PDE1C: variants seen among roughly 807,000 people sequenced by gnomAD.
PDE1C encodes dual specificity calcium/calmodulin-dependent 3',5'-cyclic nucleotide phosphodiesterase 1C.
A neutral mutation model predicts 93.1 loss-of-function variants in PDE1C; 62 were observed. The observed-to-expected ratio is 0.67, with a 90% CI of 0.54 to 0.82. The LOEUF (loss-of-function observed/expected upper bound fraction) is 0.82, where lower values mean the gene tolerates loss of function less well. Ranked by LOEUF, PDE1C falls within the 40% of genes least tolerant of loss-of-function variation. The probability of loss-of-function intolerance (pLI) is 0.00; values close to 1 mark genes in which losing one functional copy is unlikely to be tolerated. For missense variants in PDE1C, 742 were observed against 884.6 expected, an observed-to-expected ratio of 0.84 and a Z score of 2.04; for synonymous variants, 325 against 310.1, an observed-to-expected ratio of 1.05 and a Z score of -0.50.
At chr7:32,064,649 G>A (rs531785158) in intron 1 of PDE1C, among the ~76,000 whole-genome samples, 5 of 151,760 alleles carry the variant, frequency 3.3e-5, no homozygotes, top group African/African-American at 1.2e-4. Context: ...TAACTGAAAG[G>A]ATAAAACACA....
the PDE1C span, chr7:31,643,096 A>G: frequency 1.2e-6 from 2 of 1,614,006 alleles, no homozygotes; most frequent in Non-Finnish European, 1.7e-6. Flanking sequence ...CGTCACAGAA[A>G]TGCAGGACAG....
intron 16 of PDE1C, among the ~76,000 whole-genome samples, chr7:31,780,430 T>C (rs1404117133): frequency 6.6e-6 from 1 of 152,228 alleles, no homozygotes; most frequent in African/African-American, 2.4e-5. Context: ...CGTCTGCTTA[T>C]TAACATTTGC....
intron 7 of PDE1C, among the ~76,000 whole-genome samples, chr7:31,852,504 T>A (rs576485536): frequency 1.3e-5 from 2 of 152,156 alleles, no homozygotes; most frequent in East Asian, 3.9e-4. Context: ...AGCCTCCTCA[T>A]CAGCCTCTTC....
the PDE1C span, among the ~76,000 whole-genome samples, chr7:31,671,758 T>G: frequency 6.6e-6 from 1 of 152,128 alleles, no homozygotes; most frequent in Non-Finnish European, 1.5e-5. Context: ...AACCAGTATC[T>G]CATATGGAAA....
intron 7 of PDE1C, among the ~76,000 whole-genome samples, chr7:31,859,664 T>G (rs544531754): frequency 3.9e-5 from 6 of 152,112 alleles, no homozygotes; most frequent in Non-Finnish European, 5.9e-5. Context: ...ATGATCCCAC[T>G]ACTGGGATGA....
At chr7:32,254,930 C>T (rs1585035666) in intron 1 of PDE1C, among the ~76,000 whole-genome samples, 1 of 152,316 alleles carries the variant, frequency 6.6e-6, no homozygotes, top group African/African-American at 2.4e-5. Flanking sequence ...CCAGAAAGTC[C>T]AGTTCATGCC....
chr7:32,152,171 G>A (rs1384044199), intron 3 of PDE1C, among the ~76,000 whole-genome samples: 1 of 152,124 alleles, frequency 6.6e-6, no homozygotes, highest in Non-Finnish European at 1.5e-5. Context: ...CCTGTTTCCA[G>A]GTAGGTCATG....
intron 5 of PDE1C, among the ~76,000 whole-genome samples, chr7:31,876,654 A>T (rs1409167650): frequency 6.6e-6 from 1 of 152,198 alleles, no homozygotes; most frequent in East Asian, 1.9e-4. Flanking sequence ...TTCATAGTGG[A>T]TGTTAAGAAA....
the PDE1C span, among the ~76,000 whole-genome samples, chr7:31,678,089 A>G: frequency 6.6e-6 from 1 of 152,168 alleles, no homozygotes; most frequent in Non-Finnish European, 1.5e-5. Flanking sequence ...CTAACGCTCT[A>G]CGAGTAAGAC....
intron 2 of PDE1C, among the ~76,000 whole-genome samples, chr7:32,191,346 C>CTGAGG (rs200590994): frequency 0.18 from 27,023 of 152,026 alleles, 2,726 homozygotes; most frequent in South Asian, 0.28. Context: ...CACAAAGATC[C>CTGAGG]CTCATGTTAT....
At chr7:31,640,136 C>T in the PDE1C span, among the ~76,000 whole-genome samples, 1 of 152,252 alleles carries the variant, frequency 6.6e-6, no homozygotes, top group South Asian at 2.1e-4. Flanking sequence ...ACCAGAGCAG[C>T]GGTCATTCTA....
At chr7:31,770,079 T>C (rs969841772) in intron 17 of PDE1C, among the ~76,000 whole-genome samples, 1 of 152,216 alleles carries the variant, frequency 6.6e-6, no homozygotes, top group Non-Finnish European at 1.5e-5. Context: ...GTTATTTCAT[T>C]TGTTTTATTA....
chr7:32,416,179 C>T (rs527413736), intron 1 of PDE1C, among the ~76,000 whole-genome samples: 19 of 152,238 alleles, frequency 1.2e-4, no homozygotes, highest in African/African-American at 2.2e-4. Flanking sequence ...GCCTGGGCCA[C>T]GCCAGCAGGA....
chr7:32,169,034 G>A (rs1222064229), intron 3 of PDE1C, among the ~76,000 whole-genome samples: 3 of 152,092 alleles, frequency 2.0e-5, no homozygotes, highest in African/African-American at 7.2e-5. Flanking sequence ...GAAAGGAGGG[G>A]CAGAAGGCAA....
intron 1 of PDE1C, among the ~76,000 whole-genome samples, chr7:32,403,208 TAATA>T (rs1488266859): frequency 6.6e-6 from 1 of 152,134 alleles, no homozygotes; most frequent in African/African-American, 2.4e-5. Flanking sequence ...GCAACTAAAT[TAATA>T]AATAGACATT....
At chr7:31,769,230 T>C (rs1795327468) in intron 17 of PDE1C, among the ~76,000 whole-genome samples, 1 of 152,236 alleles carries the variant, frequency 6.6e-6, no homozygotes, top group African/African-American at 2.4e-5. Context: ...TATTTTCCCT[T>C]AGCATATGGA....
intron 1 of PDE1C, among the ~76,000 whole-genome samples, chr7:32,271,248 G>C (rs1810942498): frequency 6.6e-6 from 1 of 152,230 alleles, no homozygotes; most frequent in African/African-American, 2.4e-5. Flanking sequence ...CTTCTGGACA[G>C]TCTAATCTAC....
intron 1 of PDE1C, among the ~76,000 whole-genome samples, chr7:32,329,693 GA>G (rs1343988086): frequency 1.3e-5 from 2 of 152,118 alleles, no homozygotes; most frequent in Non-Finnish European, 2.9e-5. Flanking sequence ...TACTACCCAG[GA>G]AAAATGAGCA....
the PDE1C span, among the ~76,000 whole-genome samples, chr7:31,670,739 G>A: frequency 7.9e-5 from 12 of 152,192 alleles, no homozygotes; most frequent in South Asian, 1.5e-3. Context: ...GCCTGGAACC[G>A]CAGCCCAAAG....
Sources: gnomAD v4.1 joint callset for allele counts (sites outside exome capture counted in the v4.1 genomes callset) on GRCh38, gnomAD v4.1.1 for gene constraint, MANE v1.5 for transcripts, NCBI Gene and HGNC (gene_info 2026-07-23, HGNC 2026-07-21) for gene names.